KCTD16: variants seen among roughly 807,000 people sequenced by gnomAD.
The protein encoded by KCTD16 is BTB/POZ domain-containing protein KCTD16.
In KCTD16, 13 loss-of-function variants were observed where a neutral mutation model predicts 33.2. The ratio of observed to expected loss-of-function variants is 0.39; its 90% confidence interval spans 0.25 to 0.62. KCTD16 has a LOEUF of 0.62. Ranked by LOEUF, KCTD16 falls within the 20% of genes least tolerant of loss-of-function variation. The pLI is 0.50. For synonymous variants in KCTD16, 197 were observed against 195.3 expected, an observed-to-expected ratio of 1.01 and a Z score of -0.07; for missense variants, 441 against 525.1, an observed-to-expected ratio of 0.84 and a Z score of 1.57.
intron 3 of KCTD16, among the ~76,000 whole-genome samples, chr5:144,221,523 T>A (rs1561534105): frequency 6.6e-6 from 1 of 152,036 alleles, no homozygotes; most frequent in Non-Finnish European, 1.5e-5. Flanking sequence ...CAGTGTTTGG[T>A]TTTCTGTTCT....
chr5:144,353,281 G>T (rs1487053696), intron 3 of KCTD16, among the ~76,000 whole-genome samples: 1 of 152,104 alleles, frequency 6.6e-6, no homozygotes. Context: ...GAATACTCTG[G>T]CTAATCACAG....
rs1275251115 is a variant in KCTD16 at position 144,207,166 on chromosome 5, G to GC, written c.458dup (p.Ser154PhefsTer58). ...TCCCAAGGAAGCGACACAAGAATCT[G>GC]CCCCCCTTCCTCCCTGCTCCCTGCC... On this transcript the variant is annotated frameshift_variant, in exon 3 of 4. Coordinates refer to ENST00000512467, the MANE Select transcript of KCTD16 (RefSeq NM_020768.4). LOFTEE classifies it high-confidence loss of function. 6.2e-7 allele frequency: 1 copy of GC among 1,612,590 alleles called. No individual in the cohort carries two copies. The highest frequency in any genetic ancestry group is 8.5e-7 in the Non-Finnish European group (1 of 1,179,394).
At chr5:144,175,156 C>G (rs925903240) in intron 2 of KCTD16, among the ~76,000 whole-genome samples, 1 of 152,210 alleles carries the variant, frequency 6.6e-6, no homozygotes, top group East Asian at 1.9e-4. Flanking sequence ...TTTCTTTAAG[C>G]ACTTTGCACT....
At chr5:144,401,286 G>T (rs1159690112) in intron 3 of KCTD16, among the ~76,000 whole-genome samples, 1 of 152,122 alleles carries the variant, frequency 6.6e-6, no homozygotes, top group African/African-American at 2.4e-5. Context: ...GACAGCGATG[G>T]ATAACTATTG....
intron 3 of KCTD16, among the ~76,000 whole-genome samples, chr5:144,362,379 G>A (rs1013662036): frequency 6.6e-6 from 1 of 152,150 alleles, no homozygotes; most frequent in Non-Finnish European, 1.5e-5. Context: ...CTCTGGAAAT[G>A]TGATAGATCC....
chr5:144,473,664 G>A lies in KCTD16; in HGVS notation c.837G>A (p.Glu279=). The part of the protein sequence containing the change: ...SSYTEYVFYR[E]PSRWSPSHCD... ...GGTCCTTTGCTTTCTTTTCAGGTGA[G>A]CCTTCCAGATGGTCACCCTCACACT... The change falls in exon 4 of 4, where the codon GAG becomes GAA. Residue 279 remains glutamate (E), a synonymous_variant. Coordinates refer to ENST00000512467, the MANE Select transcript of KCTD16 (RefSeq NM_020768.4). 6.3e-7 allele frequency: 1 copy of A among 1,591,384 alleles called. No individual in the cohort carries two copies. Among genetic ancestry groups the A allele is most frequent in the Non-Finnish European group, 8.6e-7 (1 of 1,163,978 alleles).
intron 3 of KCTD16, among the ~76,000 whole-genome samples, chr5:144,414,293 A>G (rs975132949): frequency 2.0e-5 from 3 of 152,204 alleles, no homozygotes; most frequent in African/African-American, 4.8e-5. Context: ...GATTAATAGT[A>G]TAAAAAGTGC....
intron 3 of KCTD16, among the ~76,000 whole-genome samples, chr5:144,384,543 T>C (rs1752283264): frequency 6.6e-6 from 1 of 152,202 alleles, no homozygotes; most frequent in South Asian, 2.1e-4. Context: ...TAAAATTTTA[T>C]TTATTATAAC....
At chr5:144,246,900 G>A (rs973542648) in intron 3 of KCTD16, among the ~76,000 whole-genome samples, 1 of 152,100 alleles carries the variant, frequency 6.6e-6, no homozygotes, top group South Asian at 2.1e-4. Context: ...ATGAACTTTG[G>A]AGTCAGTTAT....
At chr5:144,246,843 T>A (rs1754563633) in intron 3 of KCTD16, among the ~76,000 whole-genome samples, 1 of 152,184 alleles carries the variant, frequency 6.6e-6, no homozygotes, top group Admixed American at 6.5e-5. Context: ...CCACATCATG[T>A]TCTTTCTTGC....
chr5:144,335,365 G>C (rs1180546202), intron 3 of KCTD16, among the ~76,000 whole-genome samples: 1 of 152,222 alleles, frequency 6.6e-6, no homozygotes, highest in Non-Finnish European at 1.5e-5. Context: ...GCCAGGATGG[G>C]TGGAGGACAG....
intron 3 of KCTD16, among the ~76,000 whole-genome samples, chr5:144,459,824 CTTTTTTT>C (rs70995051): frequency 1.8e-4 from 12 of 66,768 alleles, no homozygotes; most frequent in African/African-American, 5.0e-4. Flanking sequence ...CCAATATCAT[CTTTTTTT>C]TTTTTTTTTT....
At chr5:144,401,496 T>C (rs1347508013) in intron 3 of KCTD16, among the ~76,000 whole-genome samples, 1 of 152,186 alleles carries the variant, frequency 6.6e-6, no homozygotes, top group Non-Finnish European at 1.5e-5. Flanking sequence ...GCTTTTGATT[T>C]GTTTCCATGT....
At chr5:144,218,073 G>A (rs2126800425) in intron 3 of KCTD16, among the ~76,000 whole-genome samples, 1 of 152,206 alleles carries the variant, frequency 6.6e-6, no homozygotes, top group Non-Finnish European at 1.5e-5. Flanking sequence ...CACATGCAGT[G>A]GTGGGCTTTT....
intron 1 of KCTD16, among the ~76,000 whole-genome samples, chr5:144,171,536 A>G (rs1219316820): frequency 6.6e-6 from 1 of 152,148 alleles, no homozygotes; most frequent in African/African-American, 2.4e-5. Flanking sequence ...TAGCATCCCT[A>G]ATCTCTAGCC....
At chr5:144,310,384 A>G (rs1283417081) in intron 3 of KCTD16, among the ~76,000 whole-genome samples, 1 of 152,090 alleles carries the variant, frequency 6.6e-6, no homozygotes, top group Non-Finnish European at 1.5e-5. Context: ...TCCCTTTGAT[A>G]TACTGATTTC....
chr5:144,329,828 C>T (rs1253962555), intron 3 of KCTD16, among the ~76,000 whole-genome samples: 2 of 152,092 alleles, frequency 1.3e-5, no homozygotes, highest in African/African-American at 4.8e-5. Flanking sequence ...GGAAGGACAT[C>T]AGGAAGTCAT....
intron 3 of KCTD16, among the ~76,000 whole-genome samples, chr5:144,330,011 A>T (rs1752311722): frequency 6.6e-6 from 1 of 152,228 alleles, no homozygotes. Context: ...CACCAAGTCC[A>T]TTAAAGTAGG....
chr5:144,348,880 G>A (rs1561576383), intron 3 of KCTD16, among the ~76,000 whole-genome samples: 2 of 152,250 alleles, frequency 1.3e-5, no homozygotes, highest in East Asian at 1.9e-4. Context: ...ATACCTACCA[G>A]CCCCACTATC....
Sources: gnomAD v4.1 joint callset for allele counts (sites outside exome capture counted in the v4.1 genomes callset) on GRCh38, gnomAD v4.1.1 for gene constraint, MANE v1.5 for transcripts, NCBI Gene and HGNC (gene_info 2026-07-23, HGNC 2026-07-21) for gene names.